The following EXT1 variants were observed in gnomAD, a reference collection of about 807,000 sequenced individuals.
EXT1 encodes exostosin-1.
In EXT1, 20 loss-of-function variants were observed where a neutral mutation model predicts 82.5. That is an observed-to-expected ratio of 0.24 (90% CI 0.17 to 0.35). The LOEUF (loss-of-function observed/expected upper bound fraction) is 0.35. Among genes scored for constraint, EXT1 ranks in the 10% least tolerant of loss-of-function variants. EXT1 has a pLI of 1.00. For synonymous variants in EXT1, 348 were observed against 350.8 expected, an observed-to-expected ratio of 0.99 and a Z score of 0.09; for missense variants, 757 against 936.5, an observed-to-expected ratio of 0.81 and a Z score of 2.50.
intron 1 of EXT1, among the ~76,000 whole-genome samples, chr8:117,936,992 C>CA (rs575967387): frequency 2.1e-4 from 32 of 152,314 alleles, no homozygotes; most frequent in Non-Finnish European, 3.4e-4. Context: ...CAGCACCTGC[C>CA]ACACAGGAGA....
At chr8:118,044,472 A>T (rs1816587607) in intron 1 of EXT1, among the ~76,000 whole-genome samples, 1 of 151,778 alleles carries the variant, frequency 6.6e-6, no homozygotes, top group African/African-American at 2.4e-5. Context: ...CAATGGCACG[A>T]TCATAGCTCA....
At chr8:118,054,123 G>T (rs1056268162) in intron 1 of EXT1, among the ~76,000 whole-genome samples, 26 of 152,162 alleles carry the variant, frequency 1.7e-4, no homozygotes, top group African/African-American at 6.0e-4. Context: ...TATCAATAAT[G>T]CTGAACAGTC....
chr8:118,104,249 C>A (rs908478766), intron 1 of EXT1, among the ~76,000 whole-genome samples: 1 of 152,166 alleles, frequency 6.6e-6, no homozygotes, highest in African/African-American at 2.4e-5. Context: ...GGAGGGAATC[C>A]TGTTTATTAC....
chr8:117,986,185 T>A (rs1408796777), intron 1 of EXT1, among the ~76,000 whole-genome samples: 2 of 60,978 alleles, frequency 3.3e-5, no homozygotes, highest in Non-Finnish European at 5.4e-5. Flanking sequence ...AACTATTCTT[T>A]TCTTTTTTTT....
intron 1 of EXT1, among the ~76,000 whole-genome samples, chr8:117,964,984 G>T (rs114510121): frequency 0.018 from 2,725 of 152,120 alleles, 85 homozygotes; most frequent in African/African-American, 0.059. Flanking sequence ...TGCCTAGAAG[G>T]ATGTCTCCTG....
intron 1 of EXT1, among the ~76,000 whole-genome samples, chr8:117,989,919 G>A (rs974265301): frequency 2.0e-5 from 3 of 152,184 alleles, no homozygotes; most frequent in Non-Finnish European, 2.9e-5. Flanking sequence ...ACTGGAGGCG[G>A]GCACAGTGGC....
Position 117,895,116 on chromosome 8 carries a change from C to G in EXT1, c.963-57915G>C, listed in dbSNP as rs1813313670. On this transcript the variant is annotated intron_variant, in intron 1 of 10. Coordinates refer to ENST00000378204, the MANE Select transcript of EXT1 (RefSeq NM_000127.3). ...ATGATGTCATCTTAGATGACATGAT[C>G]AAAATGGTCGTGAACCAGGGAAGGC... 2.0e-5 allele frequency among the ~76,000 whole-genome samples: 3 copies of G among 152,034 alleles called. 1 individual carries two copies. The South Asian group carries it at 6.2e-4, about 32-fold the overall frequency.
intron 1 of EXT1, among the ~76,000 whole-genome samples, chr8:118,009,652 T>C (rs1815853298): frequency 6.6e-6 from 1 of 152,232 alleles, no homozygotes; most frequent in African/African-American, 2.4e-5. Context: ...ACCTGAGCTC[T>C]GCCTCCTGTC....
chr8:117,891,805 C>CT (rs33967253), intron 1 of EXT1, among the ~76,000 whole-genome samples: 59,866 of 120,942 alleles, frequency 0.49, 16,000 homozygotes, highest in Middle Eastern at 0.61. Context: ...TTTTTTCTTG[C>CT]TTTTTTTTTT....
intron 1 of EXT1, among the ~76,000 whole-genome samples, chr8:117,943,589 G>A (rs79049503): frequency 6.6e-6 from 1 of 152,200 alleles, no homozygotes; most frequent in Admixed American, 6.5e-5. Flanking sequence ...AAGTACATGT[G>A]AGTGTTTGCA....
At chr8:117,982,312 C>T (rs1228819112) in intron 1 of EXT1, among the ~76,000 whole-genome samples, 1 of 152,180 alleles carries the variant, frequency 6.6e-6, no homozygotes, top group Admixed American at 6.5e-5. Flanking sequence ...AGGACACTTG[C>T]GTCCTTGCCT....
rs17503454 is a variant in EXT1, at chr8:117,834,489, C to T, written c.1164+955G>A. Among the ~76,000 whole-genome samples the T allele has an allele frequency of 3.7e-3, 567 of 152,230 alleles. 1 individual carries two copies. The highest frequency in any genetic ancestry group is 0.013 in the African/African-American group (527 of 41,546). ...GCGTGGTGGTGTGCACCTGTATTCCCAGCTCCTCGGGAGGCTGAGGCAGGA... is the reference window on the plus strand; with the variant it reads ...GCGTGGTGGTGTGCACCTGTATTCCTAGCTCCTCGGGAGGCTGAGGCAGGA... On this transcript the variant is annotated intron_variant, in intron 3 of 10. Transcript: ENST00000378204.
At chr8:117,930,600 T>A (rs1288778157) in intron 1 of EXT1, among the ~76,000 whole-genome samples, 1 of 152,186 alleles carries the variant, frequency 6.6e-6, no homozygotes, top group Non-Finnish European at 1.5e-5. Flanking sequence ...AAGTTTTAAA[T>A]ACATATTTCT....
intron 1 of EXT1, among the ~76,000 whole-genome samples, chr8:117,995,262 G>GC (rs1354474806): frequency 1.3e-5 from 2 of 152,138 alleles, no homozygotes. Flanking sequence ...ATCAATATTT[G>GC]TTTTCAATGC....
intron 1 of EXT1, among the ~76,000 whole-genome samples, chr8:117,877,607 T>C (rs1251244415): frequency 6.6e-6 from 1 of 152,150 alleles, no homozygotes; most frequent in African/African-American, 2.4e-5. Flanking sequence ...GTGGGGAATT[T>C]TACAGTAATG....
chr8:118,111,202 C>T lies in EXT1; in HGVS notation c.-156G>A. The T allele has an allele frequency of 9.3e-7, 1 of 1,074,690 alleles. No homozygotes were observed. The highest frequency in any genetic ancestry group is 1.4e-6 in the Non-Finnish European group (1 of 731,162). The allele number at this position is 1,074,690 out of a possible 1,614,324, so 66.6% of individuals were successfully genotyped here. A position where few individuals can be genotyped will look rare whatever the true frequency, so the allele number is the denominator to read the frequency against. On this transcript the variant is annotated 5_prime_UTR_variant, in exon 1 of 11. Coordinates refer to ENST00000378204, the MANE Select transcript of EXT1 (RefSeq NM_000127.3). Reference sequence around the variant, plus strand: ...TGGATGCCTTTCCCCAAGCCGTGGACTGATCCAGCGCATGTGGGCGATTTC... The same window carrying T: ...TGGATGCCTTTCCCCAAGCCGTGGATTGATCCAGCGCATGTGGGCGATTTC...
chr8:117,969,964 C>A (rs1814905183), intron 1 of EXT1, among the ~76,000 whole-genome samples: 1 of 152,112 alleles, frequency 6.6e-6, no homozygotes, highest in African/African-American at 2.4e-5. Context: ...AGCTATGGAC[C>A]GGAGGAAGGA....
chr8:118,062,895 T>C (rs1816905150), intron 1 of EXT1, among the ~76,000 whole-genome samples: 1 of 152,360 alleles, frequency 6.6e-6, no homozygotes, highest in Admixed American at 6.5e-5. Context: ...CTTCCCTTCA[T>C]TTCCCTCAAA....
chr8:117,990,121 A>C (rs1052537112), intron 1 of EXT1, among the ~76,000 whole-genome samples: 1 of 152,160 alleles, frequency 6.6e-6, no homozygotes, highest in Non-Finnish European at 1.5e-5. Flanking sequence ...TGTTATGAGC[A>C]GAGATTGCAC....
Sources: gnomAD v4.1 joint callset for allele counts (sites outside exome capture counted in the v4.1 genomes callset) on GRCh38, gnomAD v4.1.1 for gene constraint, MANE v1.5 for transcripts, NCBI Gene and HGNC (gene_info 2026-07-23, HGNC 2026-07-21) for gene names.